The following LRRTM4 variants were observed in gnomAD, a reference collection of about 807,000 sequenced individuals.
The protein encoded by LRRTM4 is leucine rich repeat transmembrane neuronal 4, also known as leucine-rich repeat transmembrane neuronal protein 4.
A neutral mutation model predicts 47.6 loss-of-function variants in LRRTM4; 25 were observed. The ratio of observed to expected loss-of-function variants is 0.53; its 90% CI spans 0.38 to 0.73. The LOEUF (loss-of-function observed/expected upper bound fraction) is 0.73, where lower values mean the gene tolerates loss of function less well. Among genes scored for constraint, LRRTM4 ranks in the 30% least tolerant of loss-of-function variants. The pLI is 0.00. For missense variants in LRRTM4, 638 were observed against 713.4 expected, an observed-to-expected ratio of 0.89 and a Z score of 1.20; for synonymous variants, 311 against 269.5, an observed-to-expected ratio of 1.15 and a Z score of -1.51.
At chr2:76,867,879 A>G (rs1390908749) in intron 3 of LRRTM4, among the ~76,000 whole-genome samples, 1 of 152,192 alleles carries the variant, frequency 6.6e-6, no homozygotes, top group African/African-American at 2.4e-5. Flanking sequence ...TTAGTTAGGA[A>G]AAGAAAGTCC....
rs183769970 is a variant in LRRTM4 at position 76,953,601 on chromosome 2, C to T, written c.1552-204685G>A. Among the ~76,000 whole-genome samples, 509 of 151,850 alleles carry T rather than the reference C, an allele frequency of 3.4e-3. 4 individuals are homozygous for T. Among genetic ancestry groups the T allele is most frequent in the African/African-American group, 0.011 (448 of 41,496 alleles). On this transcript the variant is annotated intron_variant, in intron 3 of 3. Coordinates refer to ENST00000409884, the MANE Select transcript of LRRTM4 (RefSeq NM_001134745.3). ...GAGCACTGAGAGTTAACTGGTATAC[C>T]TTGAATGTCTGGGGTCCACAGAGAT... is the stretch of plus-strand genomic sequence containing the variant.
chr2:76,776,974 T>A (rs1674040064), intron 3 of LRRTM4, among the ~76,000 whole-genome samples: 1 of 132,862 alleles, frequency 7.5e-6, no homozygotes, highest in East Asian at 2.4e-4. Flanking sequence ...GCTTTCTACA[T>A]ATGGCTAGCC....
chr2:76,919,090 A>T (rs577292613), intron 3 of LRRTM4, among the ~76,000 whole-genome samples: 1 of 152,284 alleles, frequency 6.6e-6, no homozygotes, highest in African/African-American at 2.4e-5. Flanking sequence ...GACATTCTTA[A>T]TTCTTCCAGA....
chr2:77,248,224 T>A (rs2104006891), intron 3 of LRRTM4, among the ~76,000 whole-genome samples: 1 of 151,726 alleles, frequency 6.6e-6, no homozygotes, highest in East Asian at 1.9e-4. Flanking sequence ...GTGTTTTATG[T>A]GAGTATATGT....
At chr2:76,826,884 G>T (rs530652933) in intron 3 of LRRTM4, among the ~76,000 whole-genome samples, 31 of 151,984 alleles carry the variant, frequency 2.0e-4, no homozygotes, top group Non-Finnish European at 2.4e-4. Context: ...ATTTCCATTT[G>T]TGGAGGGAAA....
intron 3 of LRRTM4, among the ~76,000 whole-genome samples, chr2:76,779,394 C>G (rs910709452): frequency 2.0e-5 from 3 of 150,766 alleles, no homozygotes; most frequent in African/African-American, 7.3e-5. Context: ...GTATGGGAGT[C>G]TAAGTCTCTT....
intron 3 of LRRTM4, among the ~76,000 whole-genome samples, chr2:77,139,792 C>A (rs35317401): frequency 1.3e-5 from 2 of 152,096 alleles, no homozygotes; most frequent in Non-Finnish European, 2.9e-5. Flanking sequence ...GATACAAAAT[C>A]AATGTGCAAA....
chr2:76,817,862 T>G (rs894756014), intron 3 of LRRTM4, among the ~76,000 whole-genome samples: 1 of 152,010 alleles, frequency 6.6e-6, no homozygotes, highest in East Asian at 1.9e-4. Context: ...TGTTAGTACC[T>G]TTCCTGTGAA....
chr2:76,957,706 A>C (rs1675719416), intron 3 of LRRTM4, among the ~76,000 whole-genome samples: 1 of 151,170 alleles, frequency 6.6e-6, no homozygotes, highest in Admixed American at 6.6e-5. Flanking sequence ...CTGATCTAAT[A>C]AATTGCTATA....
At chr2:77,377,450 T>C (rs1672880423) in intron 3 of LRRTM4, among the ~76,000 whole-genome samples, 1 of 152,008 alleles carries the variant, frequency 6.6e-6, no homozygotes, top group African/African-American at 2.4e-5. Context: ...TACACTATTC[T>C]TGACAACTTT....
At chr2:76,856,182 C>A (rs537121119) in intron 3 of LRRTM4, among the ~76,000 whole-genome samples, 1 of 152,078 alleles carries the variant, frequency 6.6e-6, no homozygotes, top group Non-Finnish European at 1.5e-5. Flanking sequence ...GAGGCTGAGG[C>A]AAGAGAATCC....
intron 3 of LRRTM4, among the ~76,000 whole-genome samples, chr2:77,310,689 A>G (rs1677427341): frequency 6.6e-6 from 1 of 152,182 alleles, no homozygotes; most frequent in Non-Finnish European, 1.5e-5. Context: ...TGTGGCAGCA[A>G]AGGCTTCTCT....
intron 3 of LRRTM4, among the ~76,000 whole-genome samples, chr2:77,110,062 T>C (rs1477108961): frequency 6.6e-6 from 1 of 152,084 alleles, no homozygotes; most frequent in Non-Finnish European, 1.5e-5. Context: ...AATGTATGGC[T>C]TCACATTTCT....
intron 3 of LRRTM4, among the ~76,000 whole-genome samples, chr2:77,324,759 G>A (rs1457799280): frequency 6.6e-6 from 1 of 152,072 alleles, no homozygotes; most frequent in African/African-American, 2.4e-5. Context: ...CCATGGTATG[G>A]TTTCATTTTG....
chr2:76,870,581 T>C (rs1229472309), intron 3 of LRRTM4, among the ~76,000 whole-genome samples: 2 of 152,174 alleles, frequency 1.3e-5, no homozygotes, highest in African/African-American at 4.8e-5. Flanking sequence ...GTGTCTTGAT[T>C]CTATTGCTAC....
rs190777558 is a variant in LRRTM4, at chr2:77,254,195, A to G, written c.1551+264123T>C. On this transcript the variant is annotated intron_variant, in intron 3 of 3. Coordinates refer to ENST00000409884, the MANE Select transcript of LRRTM4 (RefSeq NM_001134745.3). ...GGTACCTTACCTTTAGAGGATAAAC[A>G]TTCAAATGGCAGTAAATTTGTCATC... 3.3e-5 allele frequency among the ~76,000 whole-genome samples: 5 copies of G among 152,072 alleles called. No individual in the cohort carries two copies. The East Asian group carries it at 7.7e-4, about 24-fold the overall frequency.
chr2:76,944,287 G>A (rs1675251936), intron 3 of LRRTM4, among the ~76,000 whole-genome samples: 1 of 151,944 alleles, frequency 6.6e-6, no homozygotes, highest in Admixed American at 6.6e-5. Flanking sequence ...ATCTCCTTCA[G>A]TCAGCCTTCT....
chr2:76,838,036 T>C (rs947041187), intron 3 of LRRTM4, among the ~76,000 whole-genome samples: 9 of 151,544 alleles, frequency 5.9e-5, no homozygotes, highest in African/African-American at 1.7e-4. Context: ...TGTATACATA[T>C]GTAACTAACC....
intron 3 of LRRTM4, among the ~76,000 whole-genome samples, chr2:77,468,271 T>C (rs1276889289): frequency 6.6e-6 from 1 of 152,194 alleles, no homozygotes; most frequent in East Asian, 1.9e-4. Context: ...TCCATTTGTG[T>C]TCTCGTGTGA....
Sources: gnomAD v4.1 joint callset for allele counts (sites outside exome capture counted in the v4.1 genomes callset) on GRCh38, gnomAD v4.1.1 for gene constraint, MANE v1.5 for transcripts, NCBI Gene and HGNC (gene_info 2026-07-23, HGNC 2026-07-21) for gene names.